Variants in ZFP3 observed in about 807,000 individuals in gnomAD.
The protein encoded by ZFP3 is ZFP3 zinc finger protein.
In ZFP3, 18 loss-of-function variants were observed where a neutral mutation model predicts 36.7. The ratio of observed to expected loss-of-function variants is 0.49; its 90% CI spans 0.34 to 0.73. The LOEUF is 0.73. Ranked by LOEUF, ZFP3 falls within the 30% of genes least tolerant of loss-of-function variation. The probability of loss-of-function intolerance (pLI) is 0.01; values close to 1 mark genes in which losing one functional copy is unlikely to be tolerated. For missense variants in ZFP3, 495 were observed against 599.0 expected (o/e 0.83, Z 1.81); for synonymous variants, 218 against 199.0 (o/e 1.10, Z -0.81).
chr17:5,090,350 A>G (rs2072143449), intron 1 of ZFP3, among the ~76,000 whole-genome samples: 1 of 152,220 alleles, frequency 6.6e-6, no homozygotes, highest in African/African-American at 2.4e-5. Context: ...CCAAATATAG[A>G]TGGATATTTA....
At chr17:5,083,419 C>T (rs1012504898) in intron 1 of ZFP3, among the ~76,000 whole-genome samples, 6 of 151,760 alleles carry the variant, frequency 4.0e-5, no homozygotes, top group African/African-American at 1.5e-4. Flanking sequence ...TAGCCAGGCA[C>T]GGTGGTGCAA....
rs1259742720 is a variant in ZFP3, at chr17:5,091,788, G to A, written c.284G>A (p.Cys95Tyr). The A allele has an allele frequency of 6.2e-6, 10 of 1,614,198 alleles. No homozygotes were observed. Among genetic ancestry groups the A allele is most frequent in the East Asian group, 4.5e-5 (2 of 44,882 alleles). ...DRENNESERG[C>Y]SPSPNLVTHQ... ...GAGAATAATGAGAGTGAGAGAGGCT[G>A]CAGTCCCAGCCCAAATCTGGTTACA... The change falls in exon 2 of 2, where the codon TGC (cysteine) becomes TAC (tyrosine). Residue 95 changes from cysteine (C) to tyrosine (Y), a missense_variant. By Grantham distance (194) the Cys-to-Tyr change is radical (BLOSUM62 -2). Transcript: ENST00000318833.
rs577965952 is a variant in ZFP3, at chr17:5,094,302, T to C, written c.*1289T>C. ...CCTGGGCTCCAGCAATCTTTTTGCC[T>C]CAACTTCCCAAAGTATTGAGATTAC... On this transcript the variant is annotated 3_prime_UTR_variant, in exon 2 of 2. Transcript: ENST00000318833. 100 of 167,140 alleles carry C rather than the reference T, an allele frequency of 6.0e-4. No individual in the cohort carries two copies. Among genetic ancestry groups the C allele is most frequent in the Non-Finnish European group, 1.5e-5 (1 of 68,122 alleles). 10.4% of individuals were successfully genotyped at this position (167,140 alleles called of 1,614,324 possible). A position where few individuals can be genotyped will look rare whatever the true frequency, so the allele number is the denominator to read the frequency against.
chr17:5,091,776 G>A lies in ZFP3; in HGVS notation c.272G>A (p.Ser91Asn), dbSNP rs1489186976. ...SSEKDRENNE[S>N]ERGCSPSPNL... ...GAGAAAGACCGGGAGAATAATGAGA[G>A]TGAGAGAGGCTGCAGTCCCAGCCCA... The change falls in exon 2 of 2, where the codon AGT becomes AAT. Residue 91 changes from serine to asparagine, a missense_variant. Coordinates refer to ENST00000318833, the MANE Select transcript of ZFP3 (RefSeq NM_153018.3). The A allele has an allele frequency of 3.1e-6, 5 of 1,614,092 alleles. No homozygotes were observed. Among genetic ancestry groups the A allele is most frequent in the Non-Finnish European group, 4.2e-6 (5 of 1,180,050 alleles).
In ZFP3 at chr17:5,092,920, T is replaced by C; in HGVS notation, c.1416T>C (p.Thr472=). ...SQLIIHQRIH[T]GEKPYECQEC... is the part of the protein sequence containing the mutation. ...TTATCATACATCAGAGAATTCACAC[T>C]GGAGAGAAGCCTTATGAGTGCCAAG... The change falls in exon 2 of 2, where the codon ACT becomes ACC. Residue 472 remains threonine, a synonymous_variant. Coordinates refer to ENST00000318833, the MANE Select transcript of ZFP3 (RefSeq NM_153018.3). This position sits in a 1 kb window ranked among gnomAD's most constrained non-coding sequence, Gnocchi z 5.0. 1.2e-6 allele frequency: 2 copies of C among 1,614,206 alleles called. No homozygotes were observed. Among genetic ancestry groups the C allele is most frequent in the Non-Finnish European group, 1.7e-6 (2 of 1,180,036 alleles).
chr17:5,088,866 A>T (rs566909033), intron 1 of ZFP3, among the ~76,000 whole-genome samples: 2 of 152,342 alleles, frequency 1.3e-5, no homozygotes, highest in Admixed American at 1.3e-4. Context: ...ATAGTTCTGC[A>T]ATGTCTAAAG....
chr17:5,085,323 A>T (rs143320932), intron 1 of ZFP3, among the ~76,000 whole-genome samples: 1,917 of 151,320 alleles, frequency 0.013, 19 homozygotes, highest in Non-Finnish European at 0.021. Context: ...CTGGGATTAC[A>T]GGCATGAGCC....
At chr17:5,080,688 CCT>C (rs2143517162) in intron 1 of ZFP3, among the ~76,000 whole-genome samples, 1 of 152,092 alleles carries the variant, frequency 6.6e-6, no homozygotes, top group East Asian at 1.9e-4. Context: ...CATCCTTCAC[CCT>C]CTCTGTAACC....
chr17:5,083,375 C>A (rs1047485523), intron 1 of ZFP3, among the ~76,000 whole-genome samples: 1 of 151,948 alleles, frequency 6.6e-6, no homozygotes, highest in Non-Finnish European at 1.5e-5. Context: ...CTAACCAACA[C>A]GGAGAAACCC....
intron 1 of ZFP3, among the ~76,000 whole-genome samples, chr17:5,080,759 T>G (rs1370197950): frequency 2.0e-5 from 3 of 152,066 alleles, no homozygotes; most frequent in African/African-American, 4.8e-5. Context: ...GTATCTCACT[T>G]AGTCATCTCA....
intron 1 of ZFP3, among the ~76,000 whole-genome samples, chr17:5,084,564 C>T (rs534814246): frequency 6.6e-5 from 10 of 151,936 alleles, no homozygotes; most frequent in South Asian, 4.2e-4. Context: ...CGTGAGCCAC[C>T]GCGCCCGGCC....
intron 1 of ZFP3, among the ~76,000 whole-genome samples, chr17:5,083,283 C>A (rs149779983): frequency 6.6e-6 from 1 of 152,102 alleles, no homozygotes; most frequent in Non-Finnish European, 1.5e-5. Context: ...GTAGGCCGGG[C>A]GCAGTGGCTC....
chr17:5,085,796 C>G (rs1402202519), intron 1 of ZFP3, among the ~76,000 whole-genome samples: 2 of 152,094 alleles, frequency 1.3e-5, no homozygotes, highest in Non-Finnish European at 2.9e-5. Flanking sequence ...GTCAGCTCTA[C>G]GAATGCTGAT....
At position 5,086,331 on chromosome 17, in the gene ZFP3, C is replaced by T. The variant is rs922247440; in HGVS notation, c.-8-5166C>T. Among the ~76,000 whole-genome samples, 24 of 152,222 alleles carry T rather than the reference C, an allele frequency of 1.6e-4. 1 individual carries two copies. Among genetic ancestry groups the T allele is most frequent in the African/African-American group, 2.9e-4 (12 of 41,528 alleles). ...TTAGTAACCAACATCCTGTGGATAA[C>T]GGGAGGCTGGGCAGAGAGAAGGGGA... On this transcript the variant is annotated intron_variant, in intron 1 of 1. Transcript: ENST00000318833.
At chr17:5,080,586 A>C (rs957340639) in intron 1 of ZFP3, among the ~76,000 whole-genome samples, 4 of 152,122 alleles carry the variant, frequency 2.6e-5, no homozygotes, top group Admixed American at 2.6e-4. Context: ...GAGGTATTAA[A>C]ATTTCGACAT....
chr17:5,082,288 A>G (rs1432435449), intron 1 of ZFP3, among the ~76,000 whole-genome samples: 2 of 151,912 alleles, frequency 1.3e-5, no homozygotes, highest in Non-Finnish European at 2.9e-5. Flanking sequence ...CAGAGGTTGC[A>G]GTGAGCCAAG....
chr17:5,092,667 C>A lies in ZFP3; in HGVS notation c.1163C>A (p.Thr388Asn). 6.2e-7 allele frequency: 1 copy of A among 1,614,152 alleles called. No homozygotes were observed. The highest frequency in any genetic ancestry group is 8.5e-7 in the Non-Finnish European group (1 of 1,180,040). ...SELLRHERIH[T>N]GEKPYECFEC... ...CTTCTTAGACATGAGAGAATTCACA[C>A]TGGAGAGAAACCCTATGAATGCTTT... is the stretch of plus-strand genomic sequence containing the variant. The change falls in exon 2 of 2, where the codon ACT (threonine) becomes AAT (asparagine). Residue 388 changes from threonine to asparagine, a missense_variant. By Grantham distance (65) the Thr-to-Asn change is moderately conservative. Transcript: ENST00000318833. This position sits in a 1 kb window ranked among gnomAD's most constrained non-coding sequence, Gnocchi z 5.0.
At chr17:5,087,468 A>G (rs965812341) in intron 1 of ZFP3, among the ~76,000 whole-genome samples, 1 of 152,046 alleles carries the variant, frequency 6.6e-6, no homozygotes, top group Non-Finnish European at 1.5e-5. Flanking sequence ...ACCATTCTTT[A>G]TCTTCTTGGC....
At chr17:5,090,426 C>T (rs1307914330) in intron 1 of ZFP3, among the ~76,000 whole-genome samples, 1 of 152,160 alleles carries the variant, frequency 6.6e-6, no homozygotes, top group African/African-American at 2.4e-5. Flanking sequence ...GGTATTGACA[C>T]AATTCAGTAG....
Sources: allele counts gnomAD v4.1 joint callset (sites outside exome capture counted in the v4.1 genomes callset), GRCh38; gene constraint gnomAD v4.1.1; non-coding constraint Gnocchi (gnomAD v3.1); transcripts MANE v1.5; gene names NCBI Gene and HGNC (gene_info 2026-07-23, HGNC 2026-07-21).